IL17RE: variants seen among roughly 807,000 people sequenced by gnomAD.
IL17RE encodes the protein interleukin-17 receptor E.
Under a neutral mutation model 70.7 loss-of-function variants are expected in IL17RE, and 47 were observed. The ratio of observed to expected loss-of-function variants is 0.67; its 90% CI spans 0.53 to 0.85. IL17RE has a LOEUF of 0.85. Among genes scored for constraint, IL17RE ranks in the 40% least tolerant of loss-of-function variants. IL17RE has a pLI of 0.00. For missense variants in IL17RE, 850 were observed against 893.9 expected, an observed-to-expected ratio of 0.95 and a Z score of 0.63; for synonymous variants, 372 against 381.2, an observed-to-expected ratio of 0.98 and a Z score of 0.28.
chr3:9,906,946 C>A lies in IL17RE; in HGVS notation c.527-15C>A. On this transcript the variant is annotated splice_polypyrimidine_tract_variant and intron_variant, in intron 5 of 15. Transcript: ENST00000383814. Reference sequence around the variant, plus strand: ...AGGCCAAGAGACAAGGCCACTGAGTCCTTCCTCTCCCCAGGACCCGAGTTC... The same window carrying A: ...AGGCCAAGAGACAAGGCCACTGAGTACTTCCTCTCCCCAGGACCCGAGTTC... 1 of 1,614,138 alleles carries A rather than the reference C, an allele frequency of 6.2e-7. No individual in the cohort carries two copies. Among genetic ancestry groups the A allele is most frequent in the Non-Finnish European group, 8.5e-7 (1 of 1,180,018 alleles).
rs1164978704 is a variant in IL17RE at position 9,911,180 on chromosome 3, A to G, written c.1026+6A>G. The G allele has an allele frequency of 6.2e-7, 1 of 1,614,096 alleles. No individual in the cohort carries two copies. Among genetic ancestry groups the G allele is most frequent in the Admixed American group, 1.7e-5 (1 of 60,002 alleles). On this transcript the variant is annotated splice_donor_region_variant and intron_variant, in intron 10 of 15. Transcript: ENST00000383814. ...ACCCCCAGCTCTGCTTCAAGGTACA[A>G]CCATGGGTAAGAAAAGATGTGGTGT...
chr3:9,903,535 T>C (rs1457415783), intron 2 of IL17RE, 123 bp downstream of exon 2: 1 of 1,077,238 alleles, frequency 9.3e-7, no homozygotes, highest in African/African-American at 1.6e-5. Context: ...CAAGGAAAAA[T>C]TTGGAATCAT....
Position 9,915,846 on chromosome 3 carries a change from A to T in IL17RE, c.*39A>T. On this transcript the variant is annotated 3_prime_UTR_variant, in exon 16 of 16. Transcript: ENST00000383814. The surrounding 1 kb of genome is among the most constrained non-coding windows in gnomAD (Gnocchi z 4.9). ...GCAGTCCCGGGTGTCTGCGGCCGCA[A>T]CGCAACGGACACTGGCTGGAACCCC... 1 of 1,463,506 alleles carries T rather than the reference A, an allele frequency of 6.8e-7. No homozygotes were observed. Among genetic ancestry groups the T allele is most frequent in the Non-Finnish European group, 8.9e-7 (1 of 1,120,384 alleles). 90.7% of individuals were successfully genotyped at this position (1,463,506 alleles called of 1,614,324 possible).
Position 9,908,327 on chromosome 3 carries a change from T to C in IL17RE, c.735+20T>C, listed in dbSNP as rs1277750846. 1 of 1,609,162 alleles carries C rather than the reference T, an allele frequency of 6.2e-7. No individual in the cohort carries two copies. Among genetic ancestry groups the C allele is most frequent in the African/African-American group, 1.3e-5 (1 of 74,828 alleles). ...ATAGAGGTGAGCAAAGGAAAAGGTG[T>C]GGGCTGTCCATGGCTCTGCTCCTAA... is the stretch of plus-strand genomic sequence containing the variant. On this transcript the variant is annotated intron_variant, in intron 7 of 15. Transcript: ENST00000383814.
At chr3:9,906,181 G>A (rs1301111440) in intron 3 of IL17RE, among the ~76,000 whole-genome samples, 183 bp from the exon 4 acceptor site, 3 of 152,080 alleles carry the variant, frequency 2.0e-5, no homozygotes, top group African/African-American at 7.2e-5. Flanking sequence ...CTTGGGAGGT[G>A]GAGGCTGCAG....
Position 9,907,111 on chromosome 3 carries a change from T to C in IL17RE, c.666+11T>C. Reference sequence around the variant, plus strand: ...CCCTATGATGTCCAGGTATGGTGTGTCATCCCCCTGTAAAAAGCCCGATCA... The same window carrying C: ...CCCTATGATGTCCAGGTATGGTGTGCCATCCCCCTGTAAAAAGCCCGATCA... On this transcript the variant is annotated intron_variant, in intron 6 of 15. Transcript: ENST00000383814. The C allele has an allele frequency of 1.2e-6, 2 of 1,614,054 alleles. No individual in the cohort carries two copies. The highest frequency in any genetic ancestry group is 2.2e-5 in the South Asian group (2 of 91,070).
intron 3 of IL17RE, among the ~76,000 whole-genome samples, chr3:9,904,510 C>T (rs1004235748): frequency 1.3e-5 from 2 of 152,090 alleles, no homozygotes; most frequent in African/African-American, 2.4e-5. Flanking sequence ...CTAGGCCAGG[C>T]GCGGTGGCTC....
intron 12 of IL17RE, among the ~76,000 whole-genome samples, chr3:9,913,233 G>A (rs566390317): frequency 3.4e-4 from 52 of 152,004 alleles, no homozygotes; most frequent in African/African-American, 1.1e-3. Context: ...GGCAAAACCC[G>A]TCTCTACTAA....
intron 3 of IL17RE, among the ~76,000 whole-genome samples, chr3:9,904,553 A>G (rs279586): frequency 0.55 from 83,668 of 151,980 alleles, 23,759 homozygotes; most frequent in African/African-American, 0.63. Flanking sequence ...GGGAGGCTGA[A>G]GCAGCCTGAT....
Position 9,911,533 on chromosome 3 carries a change from C to T in IL17RE, c.1163C>T (p.Ala388Val). 6.2e-7 allele frequency: 1 copy of T among 1,614,182 alleles called. No homozygotes were observed. Among genetic ancestry groups the T allele is most frequent in the South Asian group, 1.1e-5 (1 of 91,088 alleles). ...FSSRMHATFS[A>V]AWSLPGLGQD... Reference sequence around the variant, plus strand: ...TCAAGAATGCATGCCACCTTCAGTGCTGCCTGGAGCCTCCCAGGCTTGGGG... The same window carrying T: ...TCAAGAATGCATGCCACCTTCAGTGTTGCCTGGAGCCTCCCAGGCTTGGGG... The change falls in exon 12 of 16, where the codon GCT becomes GTT. Residue 388 changes from alanine (A) to valine (V), a missense_variant. Physicochemically the swap from Ala to Val is moderately conservative, Grantham distance 64 (BLOSUM62 0). Coordinates refer to ENST00000383814, the MANE Select transcript of IL17RE (RefSeq NM_153480.2).
At chr3:9,906,571 TTCTG>T (rs2082762856) in intron 4 of IL17RE, 110 bp downstream of exon 4, 2 of 1,333,390 alleles carry the variant, frequency 1.5e-6, no homozygotes, top group Non-Finnish European at 2.1e-6. Flanking sequence ...AGATGAAGTA[TTCTG>T]TCTATTACAC....
In IL17RE at chr3:9,915,072, A is replaced by C. The variant is rs2082982911; in HGVS notation, c.1448-179A>C. On this transcript the variant is annotated intron_variant, in intron 15 of 15. Transcript: ENST00000383814. This position sits in a 1 kb window ranked among gnomAD's most constrained non-coding sequence, Gnocchi z 4.9. ...CTCTTCAGAAGGGGTGCCTTTATCT[A>C]ATTAGCCCATAAGCACCCTATAGGC... Among the ~76,000 whole-genome samples the C allele has an allele frequency of 6.6e-6, 1 of 151,920 alleles. No individual in the cohort carries two copies.
rs903621877 is a variant in IL17RE at position 9,902,850 on chromosome 3, G to T, written c.-83G>T. 1 of 1,609,814 alleles carries T rather than the reference G, an allele frequency of 6.2e-7. No individual in the cohort carries two copies. The highest frequency in any genetic ancestry group is 1.3e-5 in the African/African-American group (1 of 74,884). On this transcript the variant is annotated 5_prime_UTR_variant, in exon 1 of 16. Transcript: ENST00000383814. The stretch of plus-strand genomic sequence containing the variant: ...GGGCGAGGGCTCCTGCTGGTACTGT[G>T]TTCGCTGCTGCACAGCAAGGCCCTG...
At chr3:9,913,798 G>A (rs2082947860) in intron 12 of IL17RE, among the ~76,000 whole-genome samples, 158 bp from the exon 13 acceptor site, 1 of 152,244 alleles carries the variant, frequency 6.6e-6, no homozygotes, top group Admixed American at 6.5e-5. Context: ...GTGGGAGCCG[G>A]AGTGACTGGG....
intron 13 of IL17RE, chr3:9,914,342 C>T: frequency 1.4e-6 from 2 of 1,384,304 alleles, no homozygotes; most frequent in South Asian, 1.5e-5. Flanking sequence ...TTTGAGTTTA[C>T]TTTTTGAGTT....
At position 9,915,266 on chromosome 3, in the gene IL17RE, G is replaced by A; in HGVS notation, c.1463G>A (p.Arg488Gln). ...RRPQSGPGPA[R>Q]PVLLLHAADS... The stretch of plus-strand genomic sequence containing the variant: ...CCGCCACCAGGCCCGGGCCCAGCGC[G>A]GCCAGTGCTCCTCCTGCACGCGGCG... The change falls in exon 16 of 16, where the codon CGG (arginine) becomes CAG (glutamine). Residue 488 changes from arginine (R) to glutamine (Q), a missense_variant. Arg to Gln is a conservative substitution (Grantham distance 43, BLOSUM62 1). Coordinates refer to ENST00000383814, the MANE Select transcript of IL17RE (RefSeq NM_153480.2). This position sits in a 1 kb window ranked among gnomAD's most constrained non-coding sequence, Gnocchi z 4.9. 7.2e-7 allele frequency: 1 copy of A among 1,396,406 alleles called. No homozygotes were observed. Among genetic ancestry groups the A allele is most frequent in the Non-Finnish European group, 9.2e-7 (1 of 1,082,854 alleles). The allele number at this position is 1,396,406 out of a possible 1,614,324, so 86.5% of individuals were successfully genotyped here.
At chr3:9,907,845 G>A (rs2082796299) in intron 6 of IL17RE, among the ~76,000 whole-genome samples, 1 of 152,056 alleles carries the variant, frequency 6.6e-6, no homozygotes, top group Non-Finnish European at 1.5e-5. Context: ...GTATACAGTT[G>A]GTAGCATTTG....
intron 6 of IL17RE, among the ~76,000 whole-genome samples, chr3:9,907,709 C>T (rs959274788): frequency 6.6e-6 from 1 of 152,208 alleles, no homozygotes; most frequent in Non-Finnish European, 1.5e-5. Flanking sequence ...AAAATGATCA[C>T]ATCTGTCTTG....
At chr3:9,910,792 C>T (rs891467225) in intron 8 of IL17RE, 73 bp from the exon 9 acceptor site, 1 of 1,382,048 alleles carries the variant, frequency 7.2e-7, no homozygotes, top group Non-Finnish European at 1.0e-6. Context: ...CTCCAGCTGC[C>T]CCCAGGATGT....
Sources: allele counts gnomAD v4.1 joint callset (sites outside exome capture counted in the v4.1 genomes callset), GRCh38; gene constraint gnomAD v4.1.1; non-coding constraint Gnocchi (gnomAD v3.1); transcripts MANE v1.5; gene names NCBI Gene and HGNC (gene_info 2026-07-23, HGNC 2026-07-21).